Variants in SEPTIN6 observed in about 807,000 individuals in gnomAD.
The protein encoded by SEPTIN6 is septin 6.
In SEPTIN6, 8 loss-of-function variants were observed where a neutral mutation model predicts 33.6. That is an observed-to-expected ratio of 0.24 (90% confidence interval 0.14 to 0.43). The LOEUF is 0.43. Among genes scored for constraint, SEPTIN6 ranks in the 20% least tolerant of loss-of-function variants. SEPTIN6 has a pLI of 1.00. For synonymous variants in SEPTIN6, 131 were observed against 140.0 expected (o/e 0.94, Z 0.45); for missense variants, 250 against 340.8 (o/e 0.73, Z 2.10).
At chrX:119,684,225 G>A (rs1380054584) in intron 1 of SEPTIN6, among the ~76,000 whole-genome samples, 1 of 111,498 alleles carries the variant, frequency 9.0e-6, no homozygotes, top group African/African-American at 3.3e-5. Flanking sequence ...GAATATAGGC[G>A]TGAGCCACTG....
chrX:119,653,693 C>T (rs775392797), intron 3 of SEPTIN6, among the ~76,000 whole-genome samples: 9 of 112,495 alleles, frequency 8.0e-5, no homozygotes, highest in Non-Finnish European at 1.5e-4. Context: ...TGCTCATTCT[C>T]GCTAGGTTTA....
At chrX:119,656,251 G>T (rs2054440636) in intron 3 of SEPTIN6, among the ~76,000 whole-genome samples, 1 of 111,951 alleles carries the variant, frequency 8.9e-6, no homozygotes, top group Non-Finnish European at 1.9e-5. Flanking sequence ...TTCGGATAAT[G>T]ATATGTACTA....
chrX:119,641,161 A>T (rs763729840), intron 5 of SEPTIN6, among the ~76,000 whole-genome samples: 1 of 111,817 alleles, frequency 8.9e-6, no homozygotes, highest in Non-Finnish European at 1.9e-5. Context: ...TTCTGTGTGG[A>T]TAGAGAGGAT....
At chrX:119,637,542 C>T (rs916961315) in intron 6 of SEPTIN6, among the ~76,000 whole-genome samples, 22 of 108,827 alleles carry the variant, frequency 2.0e-4, no homozygotes, top group East Asian at 8.6e-4. Context: ...TCCATCCACT[C>T]ATCCATCCAT....
At chrX:119,692,517 G>C (rs1343898720) in intron 1 of SEPTIN6, among the ~76,000 whole-genome samples, 2 of 111,466 alleles carry the variant, frequency 1.8e-5, no homozygotes, top group Non-Finnish European at 3.8e-5. Flanking sequence ...ACACATACGC[G>C]CACACCGATA....
At chrX:119,637,317 A>G in intron 6 of SEPTIN6, 122 bp from the exon 7 acceptor site, 3 of 580,900 alleles carry the variant, frequency 5.2e-6, no homozygotes, top group Non-Finnish European at 8.1e-6. Context: ...GTGTATTTAG[A>G]TCCTGCAAAT....
At chrX:119,654,735 G>A (rs998700716) in intron 3 of SEPTIN6, among the ~76,000 whole-genome samples, 2 of 110,996 alleles carry the variant, frequency 1.8e-5, no homozygotes, top group African/African-American at 6.6e-5. Context: ...TCTGTTGCCC[G>A]GGCAGGAGTG....
intron 2 of SEPTIN6, among the ~76,000 whole-genome samples, chrX:119,674,229 A>C (rs768423497): frequency 9.2e-5 from 10 of 108,698 alleles, no homozygotes; most frequent in Admixed American, 2.0e-4. Context: ...GCTGGAGTGC[A>C]GTGGCGCGAT....
chrX:119,634,467 C>T (rs1256173240), intron 7 of SEPTIN6, among the ~76,000 whole-genome samples: 1 of 109,394 alleles, frequency 9.1e-6, no homozygotes, highest in Non-Finnish European at 1.9e-5. Context: ...GAGAGAATGA[C>T]ATTCTTGGGG....
At chrX:119,680,952 G>C (rs2054946361) in intron 1 of SEPTIN6, among the ~76,000 whole-genome samples, 2 of 103,887 alleles carry the variant, frequency 1.9e-5, no homozygotes, top group South Asian at 9.5e-4. Context: ...CTGCACTCCA[G>C]GCTGGGCGAC....
chrX:119,679,921 G>T (rs2054919890), intron 1 of SEPTIN6, among the ~76,000 whole-genome samples: 1 of 111,467 alleles, frequency 9.0e-6, no homozygotes, highest in Admixed American at 9.6e-5. Context: ...GAGTGATTGG[G>T]CAGAGAGAAC....
At chrX:119,658,660 G>C (rs1161140494) in intron 3 of SEPTIN6, among the ~76,000 whole-genome samples, 1 of 112,127 alleles carries the variant, frequency 8.9e-6, no homozygotes, top group African/African-American at 3.2e-5. Context: ...TCCCATCAAC[G>C]TGAATGAAAT....
chrX:119,657,995 T>C lies in SEPTIN6; in HGVS notation c.342-4955A>G, dbSNP rs777477478. ...AAAAAAAATTAGCCGGGCGTGGTGG[T>C]GGGCGCCTGTAGTCCCAGCTACTCG... On this transcript the variant is annotated intron_variant, in intron 3 of 10. Coordinates refer to ENST00000394610, the MANE Select transcript of SEPTIN6 (RefSeq NM_145799.4). Among the ~76,000 whole-genome samples the C allele has an allele frequency of 5.0e-3, 548 of 110,475 alleles. 3 individuals are homozygous for C. Among genetic ancestry groups the C allele is most frequent in the Admixed American group, 0.021 (222 of 10,350 alleles).
chrX:119,634,329 A>G (rs775250841), intron 7 of SEPTIN6, among the ~76,000 whole-genome samples: 1 of 105,156 alleles, frequency 9.5e-6, no homozygotes, highest in South Asian at 4.5e-4. Context: ...AGATTGCGCC[A>G]CTGCACTCCA....
In SEPTIN6 at chrX:119,693,039, C is replaced by T. The variant is rs773809949; in HGVS notation, c.30+37G>A. 2.6e-6 allele frequency: 3 copies of T among 1,164,929 alleles called. No individual in the cohort carries two copies. In the African/African-American group the frequency reaches 5.3e-5, roughly 21 times the overall value. ...AGGTCTCCTTGACCCTCACCAGGCC[C>T]TCGGCCCCGGCCCTGGCACCCAAGC... On this transcript the variant is annotated intron_variant, in intron 1 of 10. Transcript: ENST00000394610.
chrX:119,632,234 C>G (rs1181805315), intron 8 of SEPTIN6, among the ~76,000 whole-genome samples: 1 of 106,509 alleles, frequency 9.4e-6, no homozygotes, highest in Non-Finnish European at 1.9e-5. Context: ...CTCGCTCTGT[C>G]GCCCAGGCTG....
intron 1 of SEPTIN6, among the ~76,000 whole-genome samples, chrX:119,684,388 G>A (rs2055014296): frequency 9.0e-6 from 1 of 110,766 alleles, no homozygotes; most frequent in Non-Finnish European, 1.9e-5. Flanking sequence ...AAACAATCAG[G>A]TAGCTGATAG....
Position 119,625,368 on chromosome X carries a change from C to T in SEPTIN6, c.*8G>A, listed in dbSNP as rs1259597818. ...TGGGTCTCATGCAGCATGCAGCAAACAGCAGAGTTAACTGTAAAACAGTAA... is the reference window on the plus strand; with the variant it reads ...TGGGTCTCATGCAGCATGCAGCAAATAGCAGAGTTAACTGTAAAACAGTAA... On this transcript the variant is annotated 3_prime_UTR_variant, in exon 10 of 11. Coordinates refer to ENST00000394610, the MANE Select transcript of SEPTIN6 (RefSeq NM_145799.4). 3 of 1,206,079 alleles carry T rather than the reference C, an allele frequency of 2.5e-6. No homozygotes were observed. Among genetic ancestry groups the T allele is most frequent in the Non-Finnish European group, 3.4e-6 (3 of 892,010 alleles).
intron 2 of SEPTIN6, among the ~76,000 whole-genome samples, chrX:119,673,357 A>G (rs2054779862): frequency 9.0e-6 from 1 of 111,086 alleles, no homozygotes; most frequent in Admixed American, 9.7e-5. Flanking sequence ...GTCTCAAACA[A>G]CAACGACAAC....
Sources: gnomAD v4.1 joint callset for allele counts (sites outside exome capture counted in the v4.1 genomes callset) on GRCh38, gnomAD v4.1.1 for gene constraint, MANE v1.5 for transcripts, NCBI Gene and HGNC (gene_info 2026-07-23, HGNC 2026-07-21) for gene names.